C8orf34: variants seen among roughly 807,000 people sequenced by gnomAD.
C8orf34 encodes the protein uncharacterized protein C8orf34.
A neutral mutation model predicts 68.3 loss-of-function variants in C8orf34; 65 were observed. The ratio of observed to expected loss-of-function variants is 0.95; its 90% CI spans 0.78 to 1.17. The LOEUF (loss-of-function observed/expected upper bound fraction) is 1.17. C8orf34 is among the 50% of genes most tolerant of loss of function. C8orf34 has a pLI of 0.00. For missense variants in C8orf34, 664 were observed against 655.4 expected (o/e 1.01, Z -0.14); for synonymous variants, 244 against 241.2 (o/e 1.01, Z -0.11).
chr8:68,813,021 T>A (rs1247487743), intron 12 of C8orf34, among the ~76,000 whole-genome samples: 1 of 152,244 alleles, frequency 6.6e-6, no homozygotes, highest in Non-Finnish European at 1.5e-5. Flanking sequence ...TTCACTTTAA[T>A]CCCAACACGT....
In C8orf34 at chr8:68,535,212, T is replaced by G. The variant is rs1815412512; in HGVS notation, c.1105+2063T>G. On this transcript the variant is annotated intron_variant, in intron 7 of 13. Coordinates refer to ENST00000518698, the MANE Select transcript of C8orf34 (RefSeq NM_052958.4). ...ATATAAATGCTAAGTTCTTGGAAAT[T>G]TATGTGAAATCTAATTTTATAGAGT... The G allele has an allele frequency of 7.1e-6, 7 of 980,834 alleles. No homozygotes were observed. The South Asian group carries it at 3.3e-4, about 46-fold the overall frequency. 60.8% of individuals were successfully genotyped at this position (980,834 alleles called of 1,614,324 possible). A position where few individuals can be genotyped will look rare whatever the true frequency, so the allele number is the denominator to read the frequency against.
chr8:68,530,292 A>T (rs557101105), intron 6 of C8orf34, among the ~76,000 whole-genome samples: 2 of 152,230 alleles, frequency 1.3e-5, no homozygotes, highest in South Asian at 4.1e-4. Context: ...AAAAGAAAGA[A>T]GTAACTTGCC....
At chr8:68,815,152 T>G (rs1824772485) in intron 12 of C8orf34, among the ~76,000 whole-genome samples, 1 of 152,166 alleles carries the variant, frequency 6.6e-6, no homozygotes, top group Non-Finnish European at 1.5e-5. Context: ...TTATTTCATC[T>G]GCTTTCACCC....
intron 10 of C8orf34, among the ~76,000 whole-genome samples, chr8:68,771,826 T>C (rs547450537): frequency 6.6e-6 from 1 of 152,308 alleles, no homozygotes; most frequent in East Asian, 1.9e-4. Context: ...CTTTTTCCCA[T>C]AGCATCTTGA....
Position 68,579,444 on chromosome 8 carries a change from G to C in C8orf34, c.1105+46295G>C, listed in dbSNP as rs559375736. On this transcript the variant is annotated intron_variant, in intron 7 of 13. Transcript: ENST00000518698. ...TCCTCCTTTAGATTTGGCCCTCTTG[G>C]CTTTGCTGCTCCCCAGACAATACCT... Among the ~76,000 whole-genome samples, 4 of 152,056 alleles carry C rather than the reference G, an allele frequency of 2.6e-5. No individual in the cohort carries two copies. The East Asian group carries it at 7.7e-4, about 29-fold the overall frequency.
chr8:68,646,595 T>C (rs940251407), intron 8 of C8orf34, among the ~76,000 whole-genome samples: 3 of 152,156 alleles, frequency 2.0e-5, no homozygotes, highest in Non-Finnish European at 4.4e-5. Context: ...ATTTTGTACA[T>C]TTTGACCAAC....
chr8:68,551,701 A>G (rs1363475999), intron 7 of C8orf34, among the ~76,000 whole-genome samples: 1 of 152,044 alleles, frequency 6.6e-6, no homozygotes, highest in Admixed American at 6.6e-5. Flanking sequence ...GAAGTGTTCT[A>G]TAGTCTCATG....
In C8orf34 at chr8:68,582,746, G is replaced by GA. The variant is rs531183583; in HGVS notation, c.1105+49603dup. Among the ~76,000 whole-genome samples, 350 of 151,996 alleles carry GA rather than the reference G, an allele frequency of 2.3e-3. 3 individuals carry two copies. The highest frequency in any genetic ancestry group is 7.6e-3 in the African/African-American group (316 of 41,488). ...CTAAACTCTCTGCTGGGGCCCCTGTGAAAAAAGACAGACTAACAAGACAAA... is the reference window on the plus strand; with the variant it reads ...CTAAACTCTCTGCTGGGGCCCCTGTGAAAAAAAGACAGACTAACAAGACAAA... On this transcript the variant is annotated intron_variant, in intron 7 of 13. Transcript: ENST00000518698.
intron 7 of C8orf34, among the ~76,000 whole-genome samples, chr8:68,568,844 G>A (rs1458872240): frequency 2.6e-5 from 4 of 152,224 alleles, no homozygotes; most frequent in African/African-American, 7.2e-5. Flanking sequence ...GCAAGAGCCA[G>A]ATAATAAATA....
At chr8:68,582,938 G>T (rs138234226) in intron 7 of C8orf34, among the ~76,000 whole-genome samples, 5 of 152,042 alleles carry the variant, frequency 3.3e-5, no homozygotes, top group Non-Finnish European at 7.4e-5. Context: ...TGGTATAAAG[G>T]TTTTGGTGCC....
chr8:68,636,667 CA>C (rs1310889072), intron 7 of C8orf34, among the ~76,000 whole-genome samples: 3 of 152,098 alleles, frequency 2.0e-5, no homozygotes, highest in Non-Finnish European at 4.4e-5. Flanking sequence ...GGATGTTAGT[CA>C]AAAGGTAAGG....
At chr8:68,334,476 G>GT (rs1253952681) in intron 1 of C8orf34, among the ~76,000 whole-genome samples, 1 of 151,494 alleles carries the variant, frequency 6.6e-6, no homozygotes, top group Non-Finnish European at 1.5e-5. Context: ...TTCCATGTAT[G>GT]TTTGTGTACA....
chr8:68,721,495 T>A, intron 10 of C8orf34, 58 bp downstream of exon 10: 2 of 1,082,330 alleles, frequency 1.8e-6, no homozygotes, highest in Non-Finnish European at 2.8e-6. Flanking sequence ...AAATTACTAG[T>A]AGGTAAATCT....
chr8:68,793,234 A>C (rs550666784), intron 12 of C8orf34, among the ~76,000 whole-genome samples: 1 of 152,318 alleles, frequency 6.6e-6, no homozygotes, highest in African/African-American at 2.4e-5. Flanking sequence ...TAAAAATAGT[A>C]AAGTTAAACA....
intron 4 of C8orf34, among the ~76,000 whole-genome samples, chr8:68,472,523 C>G (rs868494812): frequency 1.3e-5 from 2 of 152,092 alleles, no homozygotes; most frequent in African/African-American, 4.8e-5. Flanking sequence ...CCCACTCACA[C>G]TCAAAGAGGA....
intron 7 of C8orf34, among the ~76,000 whole-genome samples, chr8:68,584,429 T>C (rs1359035316): frequency 6.6e-6 from 1 of 152,204 alleles, no homozygotes; most frequent in African/African-American, 2.4e-5. Flanking sequence ...CCATCTGAGA[T>C]ACATAGCTTT....
chr8:68,511,343 A>C (rs1348536942), intron 5 of C8orf34, among the ~76,000 whole-genome samples: 1 of 152,012 alleles, frequency 6.6e-6, no homozygotes, highest in African/African-American at 2.4e-5. Flanking sequence ...TCATTCCCCT[A>C]TTGACTAGGG....
At chr8:68,745,507 A>C (rs1822459296) in intron 10 of C8orf34, among the ~76,000 whole-genome samples, 1 of 152,226 alleles carries the variant, frequency 6.6e-6, no homozygotes, top group Admixed American at 6.5e-5. Flanking sequence ...GTGCAGAGAC[A>C]CACATAGGCT....
intron 1 of C8orf34, among the ~76,000 whole-genome samples, chr8:68,416,914 C>G (rs2591024): frequency 0.12 from 17,534 of 152,040 alleles, 1,144 homozygotes; most frequent in African/African-American, 0.15. Flanking sequence ...TATAAATGTT[C>G]CTCCTTTGTA....
Sources: allele counts gnomAD v4.1 joint callset (sites outside exome capture counted in the v4.1 genomes callset), GRCh38; gene constraint gnomAD v4.1.1; transcripts MANE v1.5; gene names NCBI Gene and HGNC (gene_info 2026-07-23, HGNC 2026-07-21).